CADM2: variants seen among roughly 807,000 people sequenced by gnomAD.
CADM2 encodes the protein immunoglobulin superfamily member 4D.
CADM2 carries 12 observed loss-of-function variants against 49.8 expected under a neutral mutation model. The observed-to-expected ratio is 0.24, with a 90% confidence interval of 0.15 to 0.39. CADM2 has a LOEUF of 0.39. CADM2 is among the 10% of genes least tolerant of loss of function. The pLI, the probability that CADM2 is intolerant of heterozygous loss-of-function variation, is 1.00. For synonymous variants in CADM2, 214 were observed against 175.4 expected (o/e 1.22, Z -1.74); for missense variants, 378 against 492.3 (o/e 0.77, Z 2.20).
At chr3:85,128,429 C>A (rs2039110575) in intron 1 of CADM2, among the ~76,000 whole-genome samples, 1 of 152,056 alleles carries the variant, frequency 6.6e-6, no homozygotes, top group African/African-American at 2.4e-5. Context: ...TATCTAGATT[C>A]TTTGATGTGA....
chr3:85,089,550 G>A (rs1019145161), intron 1 of CADM2, among the ~76,000 whole-genome samples: 11 of 152,034 alleles, frequency 7.2e-5, no homozygotes, highest in Admixed American at 1.3e-4. Context: ...TTCAATAAAC[G>A]TAATTAAATT....
At chr3:85,942,677 T>C (rs889160351) in intron 7 of CADM2, among the ~76,000 whole-genome samples, 64 of 152,100 alleles carry the variant, frequency 4.2e-4, no homozygotes, top group Non-Finnish European at 8.7e-4. Flanking sequence ...TCATTTTTTA[T>C]GGCTGCATAG....
At chr3:85,527,372 C>T (rs969571233) in intron 1 of CADM2, among the ~76,000 whole-genome samples, 19 of 127,080 alleles carry the variant, frequency 1.5e-4, no homozygotes, top group Non-Finnish European at 3.1e-4. Context: ...CTAGCCTGGG[C>T]GACAGAGCAA....
chr3:85,874,525 T>A (rs962523234), intron 3 of CADM2, among the ~76,000 whole-genome samples: 3 of 152,134 alleles, frequency 2.0e-5, no homozygotes, highest in South Asian at 2.1e-4. Context: ...GATGGTTTTA[T>A]AGTTAGATAT....
intron 1 of CADM2, among the ~76,000 whole-genome samples, chr3:85,193,545 C>T (rs2041263873): frequency 6.6e-6 from 1 of 151,838 alleles, no homozygotes; most frequent in South Asian, 2.1e-4. Flanking sequence ...CACATTATGC[C>T]CACATTTTAT....
chr3:85,658,576 G>GTGTGTATATATATATA (rs1460728518), intron 1 of CADM2, among the ~76,000 whole-genome samples: 1 of 68,754 alleles, frequency 1.5e-5, no homozygotes, highest in Non-Finnish European at 2.7e-5. Flanking sequence ...GGATATATGT[G>GTGTGTATATATATATA]TATATATATA....
chr3:84,983,361 GTT>G (rs199926849), intron 1 of CADM2, among the ~76,000 whole-genome samples: 1 of 142,322 alleles, frequency 7.0e-6, no homozygotes, highest in African/African-American at 2.6e-5. Flanking sequence ...GTCTATATCT[GTT>G]TTTTTTTTTC....
At chr3:85,538,347 T>G (rs1477035872) in intron 1 of CADM2, among the ~76,000 whole-genome samples, 1 of 152,068 alleles carries the variant, frequency 6.6e-6, no homozygotes, top group Non-Finnish European at 1.5e-5. Context: ...TGAAGTGAGA[T>G]TCTCATTAGA....
intron 1 of CADM2, among the ~76,000 whole-genome samples, chr3:84,968,957 G>C (rs371538711): frequency 7.2e-5 from 11 of 152,084 alleles, no homozygotes; most frequent in African/African-American, 2.6e-4. Flanking sequence ...TTTGAATACT[G>C]GTGGAAGTAT....
intron 1 of CADM2, among the ~76,000 whole-genome samples, chr3:85,383,516 GTATATATATA>G (rs994717831): frequency 4.1e-5 from 1 of 24,456 alleles, no homozygotes; most frequent in African/African-American, 1.5e-4. Context: ...ATATATATAT[GTATATATATA>G]TATATATATA....
At chr3:85,248,373 C>G (rs2042697814) in intron 1 of CADM2, among the ~76,000 whole-genome samples, 2 of 152,086 alleles carry the variant, frequency 1.3e-5, no homozygotes, top group African/African-American at 4.8e-5. Context: ...CTCCTGGATT[C>G]AAGCAGTTCT....
At chr3:85,076,808 C>CCT in intron 1 of CADM2, among the ~76,000 whole-genome samples, 1 of 151,838 alleles carries the variant, frequency 6.6e-6, no homozygotes, top group Non-Finnish European at 1.5e-5. Context: ...TCCATCTGTA[C>CCT]TAAAAATACA....
intron 1 of CADM2, among the ~76,000 whole-genome samples, chr3:85,068,607 C>A (rs1484752766): frequency 6.6e-6 from 1 of 152,124 alleles, no homozygotes; most frequent in Non-Finnish European, 1.5e-5. Flanking sequence ...CTATAATCTT[C>A]CACACAACTC....
At chr3:85,743,220 A>T (rs909514407) in intron 2 of CADM2, among the ~76,000 whole-genome samples, 1 of 151,870 alleles carries the variant, frequency 6.6e-6, no homozygotes, top group Non-Finnish European at 1.5e-5. Flanking sequence ...CTCTTTCTTG[A>T]CTTAAGAATT....
chr3:85,873,143 A>T (rs1483332742), intron 3 of CADM2, among the ~76,000 whole-genome samples: 1 of 152,144 alleles, frequency 6.6e-6, no homozygotes, highest in Non-Finnish European at 1.5e-5. Flanking sequence ...AGCCCTCATG[A>T]CTTAATCACT....
intron 6 of CADM2, among the ~76,000 whole-genome samples, chr3:85,919,617 C>T (rs1718838980): frequency 6.6e-6 from 1 of 151,778 alleles, no homozygotes; most frequent in Non-Finnish European, 1.5e-5. Context: ...ATTCTAGTTA[C>T]CATGCGAATT....
At chr3:85,543,265 T>A (rs990891670) in intron 1 of CADM2, among the ~76,000 whole-genome samples, 2 of 113,678 alleles carry the variant, frequency 1.8e-5, no homozygotes, top group East Asian at 3.7e-4. Flanking sequence ...TTATTTTTAT[T>A]TTTTTTGGAG....
At chr3:85,704,837 C>A (rs1227972317) in intron 1 of CADM2, among the ~76,000 whole-genome samples, 1 of 151,046 alleles carries the variant, frequency 6.6e-6, no homozygotes, top group Non-Finnish European at 1.5e-5. Flanking sequence ...TTTAAACCCC[C>A]TTCTCTTTAT....
chr3:85,909,775 A>G (rs1191718008), intron 5 of CADM2, among the ~76,000 whole-genome samples: 1 of 152,216 alleles, frequency 6.6e-6, no homozygotes, highest in Non-Finnish European at 1.5e-5. Context: ...CAAATAAACT[A>G]TACAATGTAA....
Sources: gnomAD v4.1 joint callset for allele counts (sites outside exome capture counted in the v4.1 genomes callset) on GRCh38, gnomAD v4.1.1 for gene constraint, MANE v1.5 for transcripts, NCBI Gene and HGNC (gene_info 2026-07-23, HGNC 2026-07-21) for gene names.